Variants in ADCY2 observed in about 807,000 individuals in gnomAD.
ADCY2 encodes adenylate cyclase 2, also known as adenylate cyclase type 2.
Under a neutral mutation model 125.2 loss-of-function variants are expected in ADCY2, and 31 were observed. The observed-to-expected ratio is 0.25, with a 90% CI of 0.19 to 0.33. The LOEUF is 0.33. ADCY2 is among the 10% of genes least tolerant of loss of function. The probability of loss-of-function intolerance (pLI) is 1.00; values close to 1 mark genes in which losing one functional copy is unlikely to be tolerated. For missense variants in ADCY2, 904 were observed against 1,418.2 expected, an observed-to-expected ratio of 0.64 and a Z score of 5.82; for synonymous variants, 512 against 548.4, an observed-to-expected ratio of 0.93 and a Z score of 0.93.
At chr5:7,701,045 G>A (rs1222354135) in intron 7 of ADCY2, among the ~76,000 whole-genome samples, 1 of 151,708 alleles carries the variant, frequency 6.6e-6, no homozygotes, top group Non-Finnish European at 1.5e-5. Context: ...TTAATTCTAT[G>A]GATCTAGGTA....
At chr5:7,746,429 G>A (rs1742629234) in intron 15 of ADCY2, 1 of 152,124 alleles carries the variant, frequency 6.6e-6, no homozygotes, top group African/African-American at 2.4e-5. Context: ...ATTCTTTAAG[G>A]ATTTTTTAAT....
At position 7,665,778 on chromosome 5, in the gene ADCY2, AAGAT is replaced by A. The variant is rs1241239981; in HGVS notation, c.721-24911_721-24908del. Among the ~76,000 whole-genome samples the A allele has an allele frequency of 5.4e-5, 8 of 147,274 alleles. No homozygotes were observed. The East Asian group carries it at 1.6e-3, about 29-fold the overall frequency. On this transcript the variant is annotated intron_variant, in intron 4 of 24. Transcript: ENST00000338316. ...CTCTATCTCTCTGATATTACTCTTT[AAGAT>A]ATCTGTTCTGGGTCTATTTATGTTT...
At chr5:7,745,551 A>G (rs996839161) in intron 15 of ADCY2, among the ~76,000 whole-genome samples, 7 of 152,180 alleles carry the variant, frequency 4.6e-5, no homozygotes, top group African/African-American at 1.7e-4. Context: ...TCTTTGGCAA[A>G]GTTTGAAAAC....
At chr5:7,823,448 C>G (rs1211549515) in intron 24 of ADCY2, among the ~76,000 whole-genome samples, 27 of 152,198 alleles carry the variant, frequency 1.8e-4, no homozygotes, top group Non-Finnish European at 4.4e-5. Flanking sequence ...CCAGCCAGAA[C>G]AAGAATCGTG....
intron 3 of ADCY2, among the ~76,000 whole-genome samples, chr5:7,539,260 T>C (rs1734917560): frequency 6.6e-6 from 1 of 152,258 alleles, no homozygotes; most frequent in Non-Finnish European, 1.5e-5. Context: ...ATTACATTGA[T>C]GTCAATTGCA....
chr5:7,793,064 C>A (rs1864038), intron 20 of ADCY2, among the ~76,000 whole-genome samples: 49,036 of 152,106 alleles, frequency 0.32, 8,205 homozygotes, highest in Admixed American at 0.45. Context: ...TACCAGGGAC[C>A]TTCATGCCAC....
chr5:7,779,076 G>A (rs1743832655), intron 18 of ADCY2, among the ~76,000 whole-genome samples: 1 of 152,220 alleles, frequency 6.6e-6, no homozygotes, highest in Non-Finnish European at 1.5e-5. Flanking sequence ...AAAGTGAGGA[G>A]CACAGCATGC....
At chr5:7,762,106 G>A (rs1218311035) in intron 16 of ADCY2, among the ~76,000 whole-genome samples, 2 of 152,184 alleles carry the variant, frequency 1.3e-5, no homozygotes, top group Non-Finnish European at 2.9e-5. Context: ...CACTTTTCCT[G>A]TCTATCGATT....
chr5:7,738,135 C>T (rs994459872), intron 14 of ADCY2, among the ~76,000 whole-genome samples: 1 of 152,068 alleles, frequency 6.6e-6, no homozygotes, highest in Non-Finnish European at 1.5e-5. Context: ...GTATAAAAGA[C>T]AATGTATTTA....
intron 3 of ADCY2, among the ~76,000 whole-genome samples, chr5:7,551,797 T>C (rs773683065): frequency 2.3e-4 from 35 of 152,326 alleles, no homozygotes; most frequent in Admixed American, 5.2e-4. Context: ...TATGTTTCTT[T>C]GAATGCCCAG....
chr5:7,412,631 A>G (rs1050422005), intron 1 of ADCY2, among the ~76,000 whole-genome samples: 3 of 152,240 alleles, frequency 2.0e-5, no homozygotes, highest in Non-Finnish European at 4.4e-5. Context: ...GAGGGAGAGA[A>G]AAAGAACATC....
At chr5:7,410,976 G>T (rs1026166125) in intron 1 of ADCY2, among the ~76,000 whole-genome samples, 1 of 152,120 alleles carries the variant, frequency 6.6e-6, no homozygotes, top group Non-Finnish European at 1.5e-5. Context: ...AGGTCTGAGA[G>T]TGTCTCTTTA....
intron 2 of ADCY2, among the ~76,000 whole-genome samples, chr5:7,496,555 C>G (rs750749359): frequency 8.5e-5 from 13 of 152,196 alleles, no homozygotes; most frequent in Non-Finnish European, 1.6e-4. Context: ...TTTAATTTTT[C>G]AATTGAGAAT....
At chr5:7,728,542 T>C (rs1003472265) in intron 14 of ADCY2, among the ~76,000 whole-genome samples, 1 of 152,168 alleles carries the variant, frequency 6.6e-6, no homozygotes, top group African/African-American at 2.4e-5. Flanking sequence ...CAGTTTTCCA[T>C]TCAAACAAAT....
chr5:7,465,099 C>G (rs566993324), intron 2 of ADCY2, among the ~76,000 whole-genome samples: 8 of 152,128 alleles, frequency 5.3e-5, no homozygotes, highest in Non-Finnish European at 1.0e-4. Context: ...GGGAACCACC[C>G]CCATGATTCA....
At chr5:7,583,946 A>T (rs1176917953) in intron 3 of ADCY2, among the ~76,000 whole-genome samples, 1 of 152,126 alleles carries the variant, frequency 6.6e-6, no homozygotes, top group Non-Finnish European at 1.5e-5. Flanking sequence ...TCACGAAAAC[A>T]TATGCTAAAT....
At chr5:7,432,829 T>C (rs1008391420) in intron 2 of ADCY2, among the ~76,000 whole-genome samples, 1 of 152,214 alleles carries the variant, frequency 6.6e-6, no homozygotes, top group African/African-American at 2.4e-5. Context: ...CTGTGTTCTT[T>C]ATCTCAATTG....
chr5:7,714,076 T>C (rs1175523217), intron 11 of ADCY2, among the ~76,000 whole-genome samples: 1 of 152,212 alleles, frequency 6.6e-6, no homozygotes, highest in Non-Finnish European at 1.5e-5. Flanking sequence ...ATAGTCTTTA[T>C]GTTATGAGGA....
At chr5:7,790,736 C>T (rs1364772894) in intron 20 of ADCY2, among the ~76,000 whole-genome samples, 1 of 152,074 alleles carries the variant, frequency 6.6e-6, no homozygotes, top group Non-Finnish European at 1.5e-5. Context: ...CTGTGCTTTT[C>T]CCAAAGAGAG....
Sources: gnomAD v4.1 joint callset for allele counts (sites outside exome capture counted in the v4.1 genomes callset) on GRCh38, gnomAD v4.1.1 for gene constraint, MANE v1.5 for transcripts, NCBI Gene and HGNC (gene_info 2026-07-23, HGNC 2026-07-21) for gene names.